The following GAB3 variants were observed in gnomAD, a reference collection of about 807,000 sequenced individuals.
The protein encoded by GAB3 is GRB2 associated binding protein 3, also known as GRB2-associated-binding protein 3.
Under a neutral mutation model 40.4 loss-of-function variants are expected in GAB3, and 12 were observed. The ratio of observed to expected loss-of-function variants is 0.30; its 90% CI spans 0.19 to 0.48. The LOEUF (loss-of-function observed/expected upper bound fraction) is 0.48, where lower values mean the gene tolerates loss of function less well. GAB3 is among the 20% of genes least tolerant of loss of function. GAB3 has a pLI of 0.99. For missense variants in GAB3, 381 were observed against 461.9 expected, an observed-to-expected ratio of 0.82 and a Z score of 1.61; for synonymous variants, 154 against 176.7, an observed-to-expected ratio of 0.87 and a Z score of 1.02.
At chrX:154,750,493 C>T (rs1190953478) in intron 1 of GAB3, among the ~76,000 whole-genome samples, 1 of 112,355 alleles carries the variant, frequency 8.9e-6, no homozygotes, top group African/African-American at 3.2e-5. Flanking sequence ...AAGAGCAGCA[C>T]TCCTTACTCC....
In GAB3 at chrX:154,675,411, G is replaced by A. The variant is rs782457357; in HGVS notation, c.*2767C>T. On this transcript the variant is annotated 3_prime_UTR_variant, in exon 10 of 10. Transcript: ENST00000424127. Reference sequence around the variant, plus strand: ...CAGTTTCAACTCGGAACTTTTAAAGGTCATGATTCAGCTGATCCTGTGAAG... The same window carrying A: ...CAGTTTCAACTCGGAACTTTTAAAGATCATGATTCAGCTGATCCTGTGAAG... 1.8e-4 allele frequency: 20 copies of A among 111,952 alleles called. No homozygotes were observed. The highest frequency in any genetic ancestry group is 5.8e-4 in the African/African-American group (18 of 30,864). 9.2% of individuals were successfully genotyped at this position (111,952 alleles called of 1,213,427 possible). A position where few individuals can be genotyped will look rare whatever the true frequency, so the allele number is the denominator to read the frequency against.
intron 4 of GAB3, among the ~76,000 whole-genome samples, chrX:154,701,494 C>T (rs1034310452): frequency 4.5e-5 from 5 of 112,322 alleles, no homozygotes; most frequent in Non-Finnish European, 7.5e-5. Flanking sequence ...TGACAGCATT[C>T]ATTGCAAGCT....
chrX:154,712,604 A>T lies in GAB3; in HGVS notation c.694T>A (p.Ser232Thr). ...VFVDCLQPLP[S>T]SHLVHPSCHG... ...CATGAGGGGTGGACCAAATGACTGG[A>T]GGGGAGCGGCTGCAGGCAGTCAACA... The change falls in exon 4 of 10, where the codon TCC becomes ACC. Residue 232 changes from serine to threonine, a missense_variant. Transcript: ENST00000424127. The T allele has an allele frequency of 8.7e-7, 1 of 1,143,912 alleles. No individual in the cohort carries two copies. The highest frequency in any genetic ancestry group is 1.2e-6 in the Non-Finnish European group (1 of 864,041). 94.3% of individuals were successfully genotyped at this position (1,143,912 alleles called of 1,213,427 possible). A position where few individuals can be genotyped will look rare whatever the true frequency, so the allele number is the denominator to read the frequency against.
intron 1 of GAB3, among the ~76,000 whole-genome samples, chrX:154,725,734 A>C (rs1288003923): frequency 5.4e-5 from 6 of 111,454 alleles, no homozygotes; most frequent in African/African-American, 2.0e-4. Context: ...CAACTACTGA[A>C]GACCCCCAAT....
Position 154,731,960 on chromosome X carries a change from C to T in GAB3, c.73-15631G>A, listed in dbSNP as rs782420256. Reference sequence around the variant, plus strand: ...ACACAGAGGTTGAGCAAGTTGCGGTCGGGCAAGAGCGAATATGTAGCAGAG... The same window carrying T: ...ACACAGAGGTTGAGCAAGTTGCGGTTGGGCAAGAGCGAATATGTAGCAGAG... On this transcript the variant is annotated intron_variant, in intron 1 of 9. Transcript: ENST00000424127. Among the ~76,000 whole-genome samples the T allele has an allele frequency of 7.1e-5, 8 of 111,981 alleles. No homozygotes were observed. The South Asian group carries it at 1.9e-3, about 26-fold the overall frequency.
chrX:154,751,011 G>C lies in GAB3; in HGVS notation c.15C>G (p.Asp5Glu). Reference protein sequence around the residue: MSAGDAVCTGWLVKS... With the variant: MSAGEAVCTGWLVKS... ...TAACGAGCCAGCCGGTGCACACTGCGTCGCCCGCACTCATCGTGGCCGCCG... is the reference window on the plus strand; with the variant it reads ...TAACGAGCCAGCCGGTGCACACTGCCTCGCCCGCACTCATCGTGGCCGCCG... The change falls in exon 1 of 10, where the codon GAC becomes GAG. Residue 5 changes from aspartate to glutamate, a missense_variant. Coordinates refer to ENST00000424127, the MANE Select transcript of GAB3 (RefSeq NM_001081573.3). 1 of 822,823 alleles carries C rather than the reference G, an allele frequency of 1.2e-6. No individual in the cohort carries two copies. The highest frequency in any genetic ancestry group is 1.5e-6 in the Non-Finnish European group (1 of 676,297). The allele number at this position is 822,823 out of a possible 1,213,427, so 67.8% of individuals were successfully genotyped here.
Position 154,697,743 on chromosome X carries a change from TCACAG to T in GAB3, c.1346-535_1346-531del, listed in dbSNP as rs1232178078. Among the ~76,000 whole-genome samples the T allele has an allele frequency of 4.5e-5, 5 of 112,124 alleles. No homozygotes were observed. In the Admixed American group the frequency reaches 4.7e-4, roughly 11 times the overall value. ...GCTCTCAAGTTCTTGTACTTACCCT[TCACAG>T]CACAGCCCCAGTTTGTGATAATACA... On this transcript the variant is annotated intron_variant, in intron 6 of 9. Transcript: ENST00000424127.
At chrX:154,681,521 GC>G (rs2070374114) in intron 8 of GAB3, among the ~76,000 whole-genome samples, 1 of 108,307 alleles carries the variant, frequency 9.2e-6, no homozygotes, top group Admixed American at 9.9e-5. Context: ...TTTTTCCTCT[GC>G]CCTGGAGAGT....
At chrX:154,709,998 A>G (rs1388566273) in intron 4 of GAB3, among the ~76,000 whole-genome samples, 1 of 112,296 alleles carries the variant, frequency 8.9e-6, no homozygotes, top group Non-Finnish European at 1.9e-5. Flanking sequence ...TAAGTGAACA[A>G]GTCTGGGGGA....
At chrX:154,721,437 C>T (rs1292863758) in intron 1 of GAB3, among the ~76,000 whole-genome samples, 1 of 112,133 alleles carries the variant, frequency 8.9e-6, no homozygotes, top group Non-Finnish European at 1.9e-5. Flanking sequence ...AGCGAGTGCA[C>T]GCAAGAGCAA....
At chrX:154,744,970 C>T (rs1458962037) in intron 1 of GAB3, among the ~76,000 whole-genome samples, 1 of 112,132 alleles carries the variant, frequency 8.9e-6, no homozygotes, top group Non-Finnish European at 1.9e-5. Context: ...TTAAATAATA[C>T]TTTGAAATGA....
At chrX:154,745,879 C>T (rs953820005) in intron 1 of GAB3, among the ~76,000 whole-genome samples, 45 of 110,156 alleles carry the variant, frequency 4.1e-4, no homozygotes, top group African/African-American at 8.9e-4. Flanking sequence ...TGGCAAAACC[C>T]TGTCTCTACT....
chrX:154,682,306 A>G (rs1255700520), intron 8 of GAB3, among the ~76,000 whole-genome samples: 2 of 111,917 alleles, frequency 1.8e-5, no homozygotes, highest in African/African-American at 6.5e-5. Flanking sequence ...ATATAAGCAG[A>G]TTATTTTGAG....
intron 4 of GAB3, among the ~76,000 whole-genome samples, chrX:154,708,998 T>C (rs1557254520): frequency 9.0e-6 from 1 of 111,622 alleles, no homozygotes; most frequent in Non-Finnish European, 1.9e-5. Flanking sequence ...GAATTGTAAT[T>C]CCCAATGTTG....
chrX:154,727,533 A>G (rs1036004687), intron 1 of GAB3, among the ~76,000 whole-genome samples: 1 of 112,572 alleles, frequency 8.9e-6, no homozygotes. Context: ...CTCAGTAAAT[A>G]CTTGTTGAAT....
In GAB3 at chrX:154,683,592, C is replaced by T. The variant is rs782342063; in HGVS notation, c.1531-3344G>A. Among the ~76,000 whole-genome samples, 14 of 111,970 alleles carry T rather than the reference C, an allele frequency of 1.3e-4. No individual in the cohort carries two copies. In the South Asian group the frequency reaches 5.2e-3, roughly 42 times the overall value. On this transcript the variant is annotated intron_variant, in intron 8 of 9. Transcript: ENST00000424127. Reference sequence around the variant, plus strand: ...CCTTTGACCATTACTGCTTCTTTTACTTTCCCTTCAACCCTACTTCAGAAC... The same window carrying T: ...CCTTTGACCATTACTGCTTCTTTTATTTTCCCTTCAACCCTACTTCAGAAC...
chrX:154,685,733 T>C (rs782158301), intron 8 of GAB3, among the ~76,000 whole-genome samples: 1 of 111,689 alleles, frequency 9.0e-6, no homozygotes, highest in African/African-American at 3.2e-5. Context: ...ACCAACAGAA[T>C]AGAATTAAGA....
chrX:154,728,845 C>A (rs2071251774), intron 1 of GAB3, among the ~76,000 whole-genome samples: 1 of 112,329 alleles, frequency 8.9e-6, no homozygotes, highest in African/African-American at 3.2e-5. Context: ...TTGTGGACAG[C>A]ATGACTGACT....
At chrX:154,720,462 T>C (rs782184563) in intron 1 of GAB3, among the ~76,000 whole-genome samples, 2 of 109,985 alleles carry the variant, frequency 1.8e-5, no homozygotes, top group South Asian at 7.8e-4. Context: ...CCGTCTCTAA[T>C]AAAAATACAA....
Sources: allele counts gnomAD v4.1 joint callset (sites outside exome capture counted in the v4.1 genomes callset), GRCh38; gene constraint gnomAD v4.1.1; transcripts MANE v1.5; gene names NCBI Gene and HGNC (gene_info 2026-07-23, HGNC 2026-07-21).